The following PDE4D variants were observed in gnomAD, a reference collection of about 807,000 sequenced individuals.
PDE4D encodes the protein 3',5'-cyclic-AMP phosphodiesterase 4D.
In PDE4D, 24 loss-of-function variants were observed where a neutral mutation model predicts 87.4. The ratio of observed to expected loss-of-function variants is 0.27; its 90% CI spans 0.20 to 0.39. The LOEUF is 0.39. Ranked by LOEUF, PDE4D falls within the 10% of genes least tolerant of loss-of-function variation. PDE4D has a pLI of 1.00. For synonymous variants in PDE4D, 384 were observed against 383.2 expected (o/e 1.00, Z -0.02); for missense variants, 714 against 1,041.0 (o/e 0.69, Z 4.32).
At chr5:60,144,317 C>T (rs551956544) in intron 2 of PDE4D, among the ~76,000 whole-genome samples, 18 of 152,338 alleles carry the variant, frequency 1.2e-4, no homozygotes, top group African/African-American at 4.1e-4. Flanking sequence ...AGCTCCATGG[C>T]TTAAGGCACT....
At chr5:59,492,939 C>A (rs1049023119) in intron 1 of PDE4D, among the ~76,000 whole-genome samples, 6 of 152,124 alleles carry the variant, frequency 3.9e-5, no homozygotes, top group African/African-American at 1.4e-4. Flanking sequence ...TGCCTTTTGC[C>A]ATGATTGTGA....
In PDE4D at chr5:60,411,245, A is replaced by G. The variant is rs1289528489; in HGVS notation, c.-90+76697T>C. Among the ~76,000 whole-genome samples, 13 of 152,358 alleles carry G rather than the reference A, an allele frequency of 8.5e-5. No homozygotes were observed. The South Asian group carries it at 2.7e-3, about 32-fold the overall frequency. On this transcript the variant is annotated intron_variant, in intron 1 of 16. Transcript: ENST00000502484. ...TAACTTCCAGAAGGGTTCATTTTCC[A>G]TTAACTGTAAAAATCTATGTGAAAA...
chr5:59,647,869 T>C (rs978677131), intron 1 of PDE4D, among the ~76,000 whole-genome samples: 10 of 152,188 alleles, frequency 6.6e-5, no homozygotes, highest in African/African-American at 2.4e-4. Context: ...TATTTTTATA[T>C]ATCTTTGCAG....
chr5:60,130,200 T>C (rs975401341), intron 2 of PDE4D, among the ~76,000 whole-genome samples: 14 of 152,218 alleles, frequency 9.2e-5, no homozygotes, highest in Non-Finnish European at 1.9e-4. Context: ...ACCTAGTCTA[T>C]GGCATTTTGT....
Position 59,147,402 on chromosome 5 carries a change from A to T in PDE4D, c.808+33193T>A, listed in dbSNP as rs180933786. On this transcript the variant is annotated intron_variant, in intron 5 of 14. Coordinates refer to ENST00000340635, the MANE Select transcript of PDE4D (RefSeq NM_001104631.2). ...TCAGTTAAATTGGAAGATTTTTTTT[A>T]AAAAAAACCTCAAACATTTTCTAAA... 3.8e-3 allele frequency among the ~76,000 whole-genome samples: 576 copies of T among 151,954 alleles called. 2 individuals are homozygous for T. The highest frequency in any genetic ancestry group is 0.013 in the African/African-American group (550 of 41,484).
At chr5:60,471,505 T>C (rs368514012) in intron 1 of PDE4D, among the ~76,000 whole-genome samples, 1 of 152,190 alleles carries the variant, frequency 6.6e-6, no homozygotes, top group East Asian at 1.9e-4. Context: ...GCATGTTACA[T>C]AAAAATATTT....
intron 3 of PDE4D, among the ~76,000 whole-genome samples, chr5:59,977,907 C>T (rs902859639): frequency 8.5e-5 from 13 of 152,070 alleles, no homozygotes; most frequent in Admixed American, 5.9e-4. Flanking sequence ...ATCTACTTTG[C>T]CTGTGCTTTA....
At chr5:60,037,131 G>A (rs1012144051) in intron 2 of PDE4D, among the ~76,000 whole-genome samples, 1 of 152,164 alleles carries the variant, frequency 6.6e-6, no homozygotes, top group Non-Finnish European at 1.5e-5. Context: ...AAAACTAGAT[G>A]AGAATGTATG....
chr5:59,552,794 G>A (rs1318779939), intron 1 of PDE4D, among the ~76,000 whole-genome samples: 2 of 152,142 alleles, frequency 1.3e-5, no homozygotes, highest in Non-Finnish European at 2.9e-5. Context: ...TATTTGACAT[G>A]AGCATGAATC....
At chr5:60,441,521 G>C (rs1046381823) in intron 1 of PDE4D, among the ~76,000 whole-genome samples, 1 of 152,148 alleles carries the variant, frequency 6.6e-6, no homozygotes, top group Admixed American at 6.5e-5. Context: ...GAGGATATAG[G>C]CATGGGCAAA....
chr5:60,160,721 C>G (rs1268198792), intron 2 of PDE4D: 1 of 405,820 alleles, frequency 2.5e-6, no homozygotes, highest in Admixed American at 3.1e-5. Context: ...TGGACTCTTA[C>G]TTTTAAGAAT....
intron 5 of PDE4D, among the ~76,000 whole-genome samples, chr5:59,098,697 C>CAAAAAAAAAAAAAAA: frequency 1.5e-5 from 1 of 67,016 alleles, no homozygotes; most frequent in Non-Finnish European, 2.7e-5. Context: ...GAGAAAGACT[C>CAAAAAAAAAAAAAAA]AAAAAAAAAA....
intron 1 of PDE4D, among the ~76,000 whole-genome samples, chr5:59,426,249 G>C (rs1306487547): frequency 6.6e-6 from 1 of 152,168 alleles, no homozygotes; most frequent in Non-Finnish European, 1.5e-5. Flanking sequence ...CACCAAATCT[G>C]TAGTATTTTC....
At chr5:60,203,344 G>A (rs1562215014) in intron 1 of PDE4D, among the ~76,000 whole-genome samples, 1 of 152,126 alleles carries the variant, frequency 6.6e-6, no homozygotes. Context: ...AATGGAATGA[G>A]GCTACTACAG....
At chr5:59,134,628 T>G (rs1776772015) in intron 5 of PDE4D, among the ~76,000 whole-genome samples, 1 of 152,208 alleles carries the variant, frequency 6.6e-6, no homozygotes, top group South Asian at 2.1e-4. Flanking sequence ...AAATGCAATT[T>G]TCACATTAAA....
At chr5:60,031,487 T>G (rs1767240025) in intron 2 of PDE4D, among the ~76,000 whole-genome samples, 1 of 152,184 alleles carries the variant, frequency 6.6e-6, no homozygotes, top group Non-Finnish European at 1.5e-5. Flanking sequence ...CTGCAGAAAT[T>G]GGGAACAGCA....
intron 1 of PDE4D, among the ~76,000 whole-genome samples, chr5:60,515,904 T>C (rs1750783644): frequency 1.3e-5 from 2 of 152,342 alleles, no homozygotes; most frequent in South Asian, 4.1e-4. Flanking sequence ...CCTACATACA[T>C]ACATATAAAT....
At chr5:59,543,457 C>G (rs562787913) in intron 1 of PDE4D, among the ~76,000 whole-genome samples, 1 of 152,096 alleles carries the variant, frequency 6.6e-6, no homozygotes, top group African/African-American at 2.4e-5. Flanking sequence ...ATATTCAACT[C>G]AGAAGGTCAG....
chr5:59,368,962 C>T (rs972298069), intron 1 of PDE4D, among the ~76,000 whole-genome samples: 24 of 152,292 alleles, frequency 1.6e-4, no homozygotes, highest in African/African-American at 5.5e-4. Flanking sequence ...GGTTGGGGTG[C>T]CCCTCCATAA....
Sources: allele counts gnomAD v4.1 joint callset (sites outside exome capture counted in the v4.1 genomes callset), GRCh38; gene constraint gnomAD v4.1.1; transcripts MANE v1.5; gene names NCBI Gene and HGNC (gene_info 2026-07-23, HGNC 2026-07-21).